Variants in PSG4 observed in about 807,000 individuals in gnomAD.
PSG4 encodes pregnancy specific beta-1-glycoprotein 4, also known as pregnancy-specific beta-1-glycoprotein 4.
In PSG4, 61 loss-of-function variants were observed where a neutral mutation model predicts 44.3. The ratio of observed to expected loss-of-function variants is 1.38; its 90% confidence interval spans 1.12 to 1.70. The LOEUF (loss-of-function observed/expected upper bound fraction) is 1.70, where lower values mean the gene tolerates loss of function less well. Ranked by LOEUF, PSG4 falls within the 40% of genes most tolerant of loss-of-function variation. The probability of loss-of-function intolerance (pLI) is 0.00; values close to 1 mark genes in which losing one functional copy is unlikely to be tolerated. For missense variants in PSG4, 677 were observed against 511.7 expected (o/e 1.32, Z -3.12); for synonymous variants, 248 against 191.3 (o/e 1.30, Z -2.45).
intron 2 of PSG4, chr19:43,203,531 A>G (rs1352349295): frequency 3.9e-5 from 10 of 256,400 alleles, no homozygotes; most frequent in South Asian, 2.9e-4. Flanking sequence ...CTGCTCTGAG[A>G]GTATCTCAGG....
intron 5 of PSG4, chr19:43,193,850 G>C (rs1167136212): frequency 1.6e-6 from 1 of 613,888 alleles, no homozygotes; most frequent in South Asian, 1.8e-5. Context: ...TACTGTACTT[G>C]TGCAAATATG....
Position 43,198,028 on chromosome 19 carries a change from G to A in PSG4, c.678C>T (p.Ser226=), listed in dbSNP as rs761308655. Residue 226 remains serine (S), a synonymous_variant, in exon 3 of 6, where the codon AGC becomes AGT. Transcript: ENST00000405312. The stretch of plus-strand genomic sequence containing the variant: ...GATTCAGGGTGACTGGGTCACTGCG[G>A]CTGGCACTCACTGGGTTCCGTATTT... ...ECEIRNPVSA[S]RSDPVTLNLL... is the part of the protein sequence containing the mutation. 60 of 1,587,642 alleles carry A rather than the reference G, an allele frequency of 3.8e-5. 6 individuals carry two copies. In the Middle Eastern group the frequency reaches 5.0e-4, roughly 13 times the overall value.
chr19:43,204,693 T>TA lies in PSG4; in HGVS notation c.65-443_65-442insT, dbSNP rs1350686087. 3 of 149,526 alleles carry TA rather than the reference T, an allele frequency of 2.0e-5. No homozygotes were observed. The African/African-American group carries it at 2.4e-4, about 12-fold the overall frequency. The allele number at this position is 149,526 out of a possible 1,614,324, so 9.3% of individuals were successfully genotyped here. A position where few individuals can be genotyped will look rare whatever the true frequency, so the allele number is the denominator to read the frequency against. On this transcript the variant is annotated intron_variant, in intron 1 of 5. Coordinates refer to ENST00000405312, the MANE Select transcript of PSG4 (RefSeq NM_002780.5). Reference sequence around the variant, plus strand: ...TTCTAGATCACTTAGCATGTCTGTCTTCCCCCCACGATGACTGTGTGAGCT... The same window carrying TA: ...TTCTAGATCACTTAGCATGTCTGTCTATCCCCCCACGATGACTGTGTGAGCT...
intron 2 of PSG4, 27 bp from the exon 3 acceptor site, chr19:43,198,302 C>G: frequency 1.3e-6 from 2 of 1,567,480 alleles, no homozygotes; most frequent in African/African-American, 1.5e-5. Flanking sequence ...GAGAGGTTTG[C>G]CCTGTGTGGC....
chr19:43,203,750 A>G, intron 2 of PSG4, 136 bp downstream of exon 2: 1 of 1,429,830 alleles, frequency 7.0e-7, no homozygotes, highest in Non-Finnish European at 9.4e-7. Flanking sequence ...TGTGTCCTGC[A>G]CTAAATGCCC....
intron 3 of PSG4, chr19:43,197,770 C>T: frequency 1.1e-6 from 1 of 948,010 alleles, no homozygotes; most frequent in Non-Finnish European, 1.5e-6. Flanking sequence ...TCTCCCATCA[C>T]AAGCTGTGGA....
intron 4 of PSG4, 185 bp from the exon 5 acceptor site, chr19:43,194,779 C>T (rs1222904623): frequency 1.4e-6 from 2 of 1,410,828 alleles, no homozygotes; most frequent in South Asian, 1.4e-5. Flanking sequence ...AAGTTTTAGG[C>T]CCCAAGTCTC....
At chr19:43,193,844 G>A (rs1455807553) in intron 5 of PSG4, 3 of 605,198 alleles carry the variant, frequency 5.0e-6, no homozygotes, top group East Asian at 2.9e-5. Flanking sequence ...GATTGTTACT[G>A]TACTTGTGCA....
intron 5 of PSG4, 79 bp from the exon 6 acceptor site, chr19:43,193,467 C>G (rs1967096217): frequency 1.3e-6 from 1 of 761,924 alleles, no homozygotes; most frequent in Non-Finnish European, 2.4e-6. Flanking sequence ...TTTTTATTTT[C>G]CACATAATTT....
In PSG4 at chr19:43,198,281, C is replaced by T. The variant is rs1967347833; in HGVS notation, c.431-6G>A. On this transcript the variant is annotated splice_polypyrimidine_tract_variant and splice_region_variant and intron_variant, in intron 2 of 5. Transcript: ENST00000405312. ...GGAGGGCTTGGGAGTCTCCACTGTG[C>T]AGAAAACAGAGAGAGGTTTGCCCTG... The T allele has an allele frequency of 1.2e-5, 19 of 1,581,842 alleles. 2 individuals carry two copies. The highest frequency in any genetic ancestry group is 1.7e-4 in the Middle Eastern group (1 of 5,874).
chr19:43,198,476 G>A lies in PSG4; in HGVS notation c.431-201C>T, dbSNP rs1277824357. 17 of 1,006,848 alleles carry A rather than the reference G, an allele frequency of 1.7e-5. 4 individuals carry two copies. The highest frequency in any genetic ancestry group is 1.5e-4 in the African/African-American group (8 of 54,782). 62.4% of individuals were successfully genotyped at this position (1,006,848 alleles called of 1,614,324 possible). A position where few individuals can be genotyped will look rare whatever the true frequency, so the allele number is the denominator to read the frequency against. ...AGGCTGCCTGCTTTATGTGGGAGAA[G>A]CACAGACTTTCTTAGGTGTGAATTG... is the stretch of plus-strand genomic sequence containing the variant. On this transcript the variant is annotated intron_variant, in intron 2 of 5. Transcript: ENST00000405312.
intron 4 of PSG4, 100 bp downstream of exon 4, chr19:43,194,894 AG>A: frequency 6.4e-7 from 1 of 1,552,738 alleles, no homozygotes; most frequent in East Asian, 2.2e-5. Flanking sequence ...CCAGAAGTAA[AG>A]GTGTCTATAC....
In PSG4 at chr19:43,195,998, C is replaced by T. The variant is rs1317202883; in HGVS notation, c.710-725G>A. 7.3e-5 allele frequency among the ~76,000 whole-genome samples: 11 copies of T among 150,812 alleles called. No homozygotes were observed. In the East Asian group the frequency reaches 9.6e-4, roughly 13 times the overall value. On this transcript the variant is annotated intron_variant, in intron 3 of 5. Coordinates refer to ENST00000405312, the MANE Select transcript of PSG4 (RefSeq NM_002780.5). ...GGTGGCTTTGGAGCAGAACCATGTTCCCTGTCCTGGGTTCTTTAAGTTTCC... is the reference window on the plus strand; with the variant it reads ...GGTGGCTTTGGAGCAGAACCATGTTTCCTGTCCTGGGTTCTTTAAGTTTCC...
chr19:43,198,269 G>A lies in PSG4; in HGVS notation c.437C>T (p.Thr146Ile), dbSNP rs1458884057. ...GCTGCTGGAGATGGAGGGCTTGGGA[G>A]TCTCCACTGTGCAGAAAACAGAGAG... The part of the protein sequence containing the change: ...GHFTFTLHLE[T>I]PKPSISSSNL... The change falls in exon 3 of 6, where the codon ACT becomes ATT. Residue 146 changes from threonine (T) to isoleucine (I), a missense_variant. By Grantham distance (89) the Thr-to-Ile change is moderately conservative. Coordinates refer to ENST00000405312, the MANE Select transcript of PSG4 (RefSeq NM_002780.5). 6.3e-6 allele frequency: 10 copies of A among 1,585,766 alleles called. No homozygotes were observed. The South Asian group carries it at 1.1e-4, about 18-fold the overall frequency.
Position 43,194,374 on chromosome 19 carries a change from C to T in PSG4, c.1209G>A (p.Lys403=), listed in dbSNP as rs772491062. 36 of 1,612,334 alleles carry T rather than the reference C, an allele frequency of 2.2e-5. 1 individual carries two copies. Among genetic ancestry groups the T allele is most frequent in the Non-Finnish European group, 3.0e-5 (35 of 1,179,126 alleles). Residue 403 remains lysine, a synonymous_variant, in exon 5 of 6, where the codon AAG becomes AAA. Transcript: ENST00000405312. ...ACSVRNSATG[K]ESSKSITVKV... is the part of the protein sequence containing the mutation. ...TGACTGTGATGGATTTGGAGCTTTC[C>T]TTGCCAGTGGCTGAGTTACGAACAG... is the stretch of plus-strand genomic sequence containing the variant.
intron 2 of PSG4, among the ~76,000 whole-genome samples, chr19:43,200,071 A>C (rs1967433775): frequency 6.9e-6 from 1 of 145,760 alleles, no homozygotes; most frequent in Admixed American, 6.8e-5. Flanking sequence ...GTTAGGAAAA[A>C]TGGGGAGGAC....
intron 5 of PSG4, chr19:43,193,976 T>A (rs551230169): frequency 1.2e-6 from 1 of 822,484 alleles, no homozygotes; most frequent in East Asian, 2.4e-5. Context: ...TTTATTGAAC[T>A]GCTACAAGCT....
chr19:43,194,901 T>C, intron 4 of PSG4, 94 bp downstream of exon 4: 1 of 1,563,658 alleles, frequency 6.4e-7, no homozygotes, highest in Non-Finnish European at 8.6e-7. Flanking sequence ...TAAAGGTGTC[T>C]ATACTTGGAC....
rs372882321 is a variant in PSG4, at chr19:43,205,459, A to G, written c.64+14T>C. On this transcript the variant is annotated intron_variant, in intron 1 of 5. Transcript: ENST00000405312. ...TTCCTCCTCCTGTCCTCTCCCAGGAAGTTCTCTCCTCACCTGTGAGCAGGA... is the reference window on the plus strand; with the variant it reads ...TTCCTCCTCCTGTCCTCTCCCAGGAGGTTCTCTCCTCACCTGTGAGCAGGA... 354 of 1,528,432 alleles carry G rather than the reference A, an allele frequency of 2.3e-4. 21 individuals are homozygous for G. The highest frequency in any genetic ancestry group is 3.0e-4 in the Non-Finnish European group (334 of 1,127,586). The allele number at this position is 1,528,432 out of a possible 1,614,324, so 94.7% of individuals were successfully genotyped here.
Sources: allele counts gnomAD v4.1 joint callset (sites outside exome capture counted in the v4.1 genomes callset), GRCh38; gene constraint gnomAD v4.1.1; transcripts MANE v1.5; gene names NCBI Gene and HGNC (gene_info 2026-07-23, HGNC 2026-07-21).